Variants in PCSK5 observed in about 807,000 individuals in gnomAD.
PCSK5 encodes the protein prohormone convertase 5.
In PCSK5, 129 loss-of-function variants were observed where a neutral mutation model predicts 233.2. The observed-to-expected ratio is 0.55, with a 90% CI of 0.48 to 0.64. PCSK5 has a LOEUF of 0.64. Among genes scored for constraint, PCSK5 ranks in the 30% least tolerant of loss-of-function variants. The pLI, the probability that PCSK5 is intolerant of heterozygous loss-of-function variation, is 0.00. For missense variants in PCSK5, 2,076 were observed against 2,430.1 expected (o/e 0.85, Z 3.06); for synonymous variants, 825 against 879.2 (o/e 0.94, Z 1.09).
chr9:76,277,350 TTGC>T (rs1827725952), intron 24 of PCSK5, among the ~76,000 whole-genome samples: 1 of 152,230 alleles, frequency 6.6e-6, no homozygotes, highest in African/African-American at 2.4e-5. Context: ...CCTATAGGAA[TTGC>T]TGCATATTTT....
chr9:76,010,367 A>T (rs992943751), intron 3 of PCSK5, among the ~76,000 whole-genome samples: 15 of 152,228 alleles, frequency 9.9e-5, no homozygotes, highest in Non-Finnish European at 1.9e-4. Context: ...CTCACTAGAA[A>T]GTAACTTCAG....
intron 24 of PCSK5, among the ~76,000 whole-genome samples, chr9:76,262,433 G>A (rs1411966288): frequency 3.3e-5 from 5 of 149,922 alleles, no homozygotes; most frequent in Admixed American, 6.6e-5. Context: ...ACAGAGATAT[G>A]GATCAATGGA....
chr9:76,073,378 C>CTT (rs568278634), intron 7 of PCSK5, among the ~76,000 whole-genome samples: 1 of 152,158 alleles, frequency 6.6e-6, no homozygotes, highest in Non-Finnish European at 1.5e-5. Flanking sequence ...AAAACATTCA[C>CTT]TTTTTTTAGC....
rs1463601413 is a variant in PCSK5 at position 76,362,630 on chromosome 9, A to G, written c.*3708A>G. 6.6e-6 allele frequency among the ~76,000 whole-genome samples: 1 copy of G among 152,244 alleles called. No individual in the cohort carries two copies. Among genetic ancestry groups the G allele is most frequent in the East Asian group, 1.9e-4 (1 of 5,198 alleles). ...CCAAAGAAAGAAGAAGTAAAAACTA[A>G]AAGGCAAAAATGAAATCCACAGGCA... On this transcript the variant is annotated 3_prime_UTR_variant, in exon 38 of 38. Coordinates refer to ENST00000674117, the MANE Select transcript of PCSK5 (RefSeq NM_001372043.1).
intron 24 of PCSK5, among the ~76,000 whole-genome samples, chr9:76,278,841 T>G (rs1048034285): frequency 4.6e-5 from 7 of 152,174 alleles, no homozygotes; most frequent in Admixed American, 4.6e-4. Flanking sequence ...CAATGTCTAT[T>G]AGCCCATCTT....
chr9:75,985,926 A>C (rs1275307602), intron 2 of PCSK5, among the ~76,000 whole-genome samples: 2 of 152,170 alleles, frequency 1.3e-5, no homozygotes, highest in African/African-American at 4.8e-5. Flanking sequence ...TAAAAAACTA[A>C]AACACCTGCT....
chr9:76,046,393 GTC>G (rs1459454230), intron 5 of PCSK5, among the ~76,000 whole-genome samples: 1 of 150,904 alleles, frequency 6.6e-6, no homozygotes, highest in East Asian at 2.0e-4. Context: ...GGTCAGGTTT[GTC>G]TCGAACTCTT....
At chr9:76,073,029 C>G (rs1245545207) in intron 7 of PCSK5, among the ~76,000 whole-genome samples, 1 of 152,210 alleles carries the variant, frequency 6.6e-6, no homozygotes, top group Non-Finnish European at 1.5e-5. Context: ...CTCCACACAT[C>G]TTCATGGGCT....
At chr9:76,146,236 T>C (rs1823435635) in intron 10 of PCSK5, among the ~76,000 whole-genome samples, 1 of 152,130 alleles carries the variant, frequency 6.6e-6, no homozygotes, top group Admixed American at 6.6e-5. Flanking sequence ...AAGAAAGCTA[T>C]TGTGATCACT....
intron 12 of PCSK5, 84 bp from the exon 13 acceptor site, chr9:76,169,620 C>CA (rs1236651366): frequency 3.7e-5 from 52 of 1,394,166 alleles, no homozygotes; most frequent in Non-Finnish European, 4.8e-5. Context: ...CTAATGGATA[C>CA]AAAAAACAGT....
intron 7 of PCSK5, among the ~76,000 whole-genome samples, chr9:76,083,377 A>G (rs1404049878): frequency 6.6e-6 from 1 of 152,142 alleles, no homozygotes; most frequent in Non-Finnish European, 1.5e-5. Context: ...CTACAAGTAT[A>G]CTTTGAAGTT....
At chr9:76,264,100 A>G (rs1827263861) in intron 24 of PCSK5, among the ~76,000 whole-genome samples, 1 of 152,216 alleles carries the variant, frequency 6.6e-6, no homozygotes, top group Admixed American at 6.5e-5. Context: ...GTATTTGTAC[A>G]GAAACAAACA....
intron 5 of PCSK5, among the ~76,000 whole-genome samples, chr9:76,036,007 A>G (rs1563985933): frequency 6.6e-6 from 1 of 152,092 alleles, no homozygotes; most frequent in Non-Finnish European, 1.5e-5. Flanking sequence ...CTATACAGCT[A>G]CCAGAAGAGC....
At position 76,295,397 on chromosome 9, in the gene PCSK5, G is replaced by A. The variant is rs749529358; in HGVS notation, c.3308G>A (p.Gly1103Asp). Residue 1103 changes from glycine (G) to aspartate (D), a missense_variant, in exon 26 of 38, where the codon GGC (glycine) becomes GAC (aspartate). Gly to Asp is a moderately conservative substitution (Grantham distance 94). Around this residue, in one of 6 missense-constraint regions of PCSK5, gnomAD observed 1,510 missense variants for 1,538.1 expected, o/e 0.98. Transcript: ENST00000674117. Reference sequence around the variant, plus strand: ...AATGGGTGTTACTGGTGTGAAGAGGGCTTCTTTCTCTTAGGTAAGTTAGAA... The same window carrying A: ...AATGGGTGTTACTGGTGTGAAGAGGACTTCTTTCTCTTAGGTAAGTTAGAA... ...DQNGCYWCEE[G>D]FFLLGGSCVR... The A allele has an allele frequency of 3.4e-5, 55 of 1,612,302 alleles. No homozygotes were observed. Among genetic ancestry groups the A allele is most frequent in the Non-Finnish European group, 4.7e-5 (55 of 1,179,666 alleles).
rs75091227 is a variant in PCSK5, at chr9:76,159,048, A to G, written c.1496A>G (p.Asn499Ser). Residue 499 changes from asparagine to serine, a missense_variant, in exon 12 of 38, where the codon AAC (asparagine) becomes AGC (serine). Asn to Ser is a conservative substitution (Grantham distance 46). Coordinates refer to ENST00000674117, the MANE Select transcript of PCSK5 (RefSeq NM_001372043.1). ...GCTTCAGGCTGCTCGGATAACCCCAACCGCCATGTCAACTACCTGGAGCAC... is the reference window on the plus strand; with the variant it reads ...GCTTCAGGCTGCTCGGATAACCCCAGCCGCCATGTCAACTACCTGGAGCAC... ...YKASGCSDNPNRHVNYLEHVV... is the reference protein window; with the variant it reads ...YKASGCSDNPSRHVNYLEHVV... The G allele has an allele frequency of 6.2e-7, 1 of 1,613,914 alleles. No individual in the cohort carries two copies. Among genetic ancestry groups the G allele is most frequent in the Non-Finnish European group, 8.5e-7 (1 of 1,179,968 alleles).
intron 24 of PCSK5, among the ~76,000 whole-genome samples, chr9:76,254,647 G>A (rs1826919542): frequency 6.6e-6 from 1 of 152,128 alleles, no homozygotes; most frequent in African/African-American, 2.4e-5. Flanking sequence ...AATGCCTACT[G>A]TGACAATAGC....
chr9:76,354,500 G>A (rs1830247970), intron 37 of PCSK5, among the ~76,000 whole-genome samples: 1 of 152,226 alleles, frequency 6.6e-6, no homozygotes, highest in Non-Finnish European at 1.5e-5. Flanking sequence ...TGGGGACTAG[G>A]CGTGGTGGCT....
At chr9:76,192,806 A>G (rs1263695329) in intron 20 of PCSK5, among the ~76,000 whole-genome samples, 1 of 152,234 alleles carries the variant, frequency 6.6e-6, no homozygotes, top group Non-Finnish European at 1.5e-5. Context: ...GTCACAGTTT[A>G]ATATGAAGCA....
intron 16 of PCSK5, among the ~76,000 whole-genome samples, chr9:76,184,014 T>G (rs1823988564): frequency 6.6e-6 from 1 of 152,196 alleles, no homozygotes; most frequent in South Asian, 2.1e-4. Flanking sequence ...CACAGTATAC[T>G]TGTTCAAATG....
Sources: gnomAD v4.1 joint callset for allele counts (sites outside exome capture counted in the v4.1 genomes callset) on GRCh38, gnomAD v4.1.1 for gene constraint, gnomAD v4.1.1 regional missense constraint, MANE v1.5 for transcripts, NCBI Gene and HGNC (gene_info 2026-07-23, HGNC 2026-07-21) for gene names.